The following JARID2 variants were observed in gnomAD, a reference collection of about 807,000 sequenced individuals.
JARID2 encodes the protein protein Jumonji.
JARID2 carries 21 observed loss-of-function variants against 125.6 expected under a neutral mutation model. The ratio of observed to expected loss-of-function variants is 0.17; its 90% CI spans 0.12 to 0.24. JARID2 has a LOEUF of 0.24. JARID2 is among the 10% of genes least tolerant of loss of function. The pLI, the probability that JARID2 is intolerant of heterozygous loss-of-function variation, is 1.00. For synonymous variants in JARID2, 736 were observed against 661.6 expected (o/e 1.11, Z -1.73); for missense variants, 1,303 against 1,639.6 (o/e 0.79, Z 3.55).
At chr6:15,492,057 A>C (rs1770175323) in intron 6 of JARID2, among the ~76,000 whole-genome samples, 1 of 152,148 alleles carries the variant, frequency 6.6e-6, no homozygotes, top group Non-Finnish European at 1.5e-5. Context: ...ACTAGGAGGG[A>C]TTGCTTTAAT....
chr6:15,506,876 T>C (rs1771029644), intron 9 of JARID2, among the ~76,000 whole-genome samples: 1 of 152,220 alleles, frequency 6.6e-6, no homozygotes, highest in Admixed American at 6.5e-5. Flanking sequence ...GATACTTTGG[T>C]GGCTTCACCT....
chr6:15,446,773 C>T (rs1290247573), intron 3 of JARID2, among the ~76,000 whole-genome samples: 1 of 152,224 alleles, frequency 6.6e-6, no homozygotes, highest in East Asian at 1.9e-4. Flanking sequence ...GACCATGGAG[C>T]TCCTTGGCCT....
rs60218567 is a variant in JARID2 at position 15,494,413 on chromosome 6, C to CTTTTTTTTTTTTTTTTT, written c.907-1715_907-1699dup. Among the ~76,000 whole-genome samples the CTTTTTTTTTTTTTTTTT allele has an allele frequency of 6.2e-5, 5 of 80,596 alleles. 1 individual carries two copies. The highest frequency in any genetic ancestry group is 1.1e-4 in the Non-Finnish European group (5 of 45,850). 52.9% of individuals were successfully genotyped at this position (80,596 alleles called of 152,430 possible). On this transcript the variant is annotated intron_variant, in intron 6 of 17. Coordinates refer to ENST00000341776, the MANE Select transcript of JARID2 (RefSeq NM_004973.4). The stretch of plus-strand genomic sequence containing the variant: ...ACTGGTTTGGATGTTTTTGGCAAGT[C>CTTTTTTTTTTTTTTTTT]TTTTTTTTTTTTTTTTTTTTGAGAC...
At chr6:15,409,918 T>C (rs1443452141) in intron 2 of JARID2, among the ~76,000 whole-genome samples, 4 of 152,336 alleles carry the variant, frequency 2.6e-5, no homozygotes, top group Admixed American at 6.5e-5. Flanking sequence ...TTCAACCCTT[T>C]AGCTGCAAAA....
At chr6:15,318,966 C>T (rs559887234) in intron 1 of JARID2, among the ~76,000 whole-genome samples, 126 of 152,310 alleles carry the variant, frequency 8.3e-4, no homozygotes, top group Non-Finnish European at 1.5e-3. Context: ...GTTTTCTTTA[C>T]TGTGGCTGGC....
At chr6:15,350,906 G>T (rs1763401379) in intron 1 of JARID2, among the ~76,000 whole-genome samples, 2 of 151,660 alleles carry the variant, frequency 1.3e-5, no homozygotes, top group Admixed American at 1.3e-4. Context: ...GGTCCTCAAA[G>T]TTATGTTAGG....
rs1760790165 is a variant in JARID2, at chr6:15,282,473, TC to T, written c.45+35890del. On this transcript the variant is annotated intron_variant, in intron 1 of 17. Transcript: ENST00000341776. ...TGTCAGCTGTCCATATTTTTTTTCT[TC>T]ATAACTTTTATCCACTATTATATTG... Among the ~76,000 whole-genome samples the T allele has an allele frequency of 2.0e-5, 3 of 152,204 alleles. 1 individual carries two copies. The South Asian group carries it at 6.2e-4, about 32-fold the overall frequency.
intron 1 of JARID2, among the ~76,000 whole-genome samples, chr6:15,323,699 G>C (rs947603506): frequency 1.6e-4 from 24 of 152,236 alleles, no homozygotes; most frequent in African/African-American, 5.8e-4. Flanking sequence ...GCCGAAGCAG[G>C]CAGATCGCAA....
At chr6:15,441,889 T>C (rs1767461370) in intron 3 of JARID2, among the ~76,000 whole-genome samples, 1 of 152,130 alleles carries the variant, frequency 6.6e-6, no homozygotes, top group African/African-American at 2.4e-5. Flanking sequence ...CCTCCTGGGT[T>C]CAAGTGATTC....
At chr6:15,268,864 C>A (rs146633645) in intron 1 of JARID2, among the ~76,000 whole-genome samples, 163 of 152,298 alleles carry the variant, frequency 1.1e-3, no homozygotes, top group African/African-American at 3.8e-3. Flanking sequence ...ATAAAAACTT[C>A]AGGATTTTTC....
intron 5 of JARID2, among the ~76,000 whole-genome samples, chr6:15,473,187 A>G (rs1171667928): frequency 6.6e-6 from 1 of 152,246 alleles, no homozygotes; most frequent in East Asian, 1.9e-4. Context: ...ACAGTGGTGA[A>G]TGATATTAAC....
intron 2 of JARID2, among the ~76,000 whole-genome samples, chr6:15,389,004 A>G (rs1764899982): frequency 6.6e-6 from 1 of 151,858 alleles, no homozygotes; most frequent in Admixed American, 6.6e-5. Context: ...GGTGACGGGG[A>G]AGGCCACGTG....
intron 9 of JARID2, 27 bp downstream of exon 9, chr6:15,504,619 C>T (rs372180813): frequency 1.1e-5 from 17 of 1,490,646 alleles, no homozygotes; most frequent in Admixed American, 1.7e-5. Context: ...CTCACGCTGC[C>T]TCTCATGGTG....
intron 1 of JARID2, among the ~76,000 whole-genome samples, chr6:15,276,178 CG>C (rs1372470701): frequency 2.0e-5 from 3 of 152,134 alleles, no homozygotes; most frequent in Non-Finnish European, 4.4e-5. Context: ...GACTAAAGTT[CG>C]ACTTGATAAA....
chr6:15,460,894 G>T (rs555744259), intron 4 of JARID2, among the ~76,000 whole-genome samples: 3 of 152,118 alleles, frequency 2.0e-5, no homozygotes, highest in Non-Finnish European at 4.4e-5. Context: ...TAGTAGAGAC[G>T]GGGTTTCACC....
intron 1 of JARID2, among the ~76,000 whole-genome samples, chr6:15,252,422 C>T (rs1278902535): frequency 6.6e-6 from 1 of 152,146 alleles, no homozygotes; most frequent in African/African-American, 2.4e-5. Context: ...GCCTTAATCC[C>T]CGCATGCTAA....
At chr6:15,519,578 C>T (rs1771732213) in intron 17 of JARID2, among the ~76,000 whole-genome samples, 1 of 152,174 alleles carries the variant, frequency 6.6e-6, no homozygotes, top group African/African-American at 2.4e-5. Context: ...AAGTTACAAA[C>T]ACAGTTTTTG....
At chr6:15,382,600 A>G (rs1275180522) in intron 2 of JARID2, among the ~76,000 whole-genome samples, 2 of 152,210 alleles carry the variant, frequency 1.3e-5, no homozygotes, top group East Asian at 3.9e-4. Flanking sequence ...TTAGAGGTAT[A>G]TAGGTCAAAC....
chr6:15,373,884 A>G (rs936231995), intron 1 of JARID2, among the ~76,000 whole-genome samples: 1 of 152,120 alleles, frequency 6.6e-6, no homozygotes, highest in Non-Finnish European at 1.5e-5. Context: ...AAGAAGTGAG[A>G]TGGTTGTGTG....
Sources: gnomAD v4.1 joint callset for allele counts (sites outside exome capture counted in the v4.1 genomes callset) on GRCh38, gnomAD v4.1.1 for gene constraint, MANE v1.5 for transcripts, NCBI Gene and HGNC (gene_info 2026-07-23, HGNC 2026-07-21) for gene names.